The following UBR3 variants were observed in gnomAD, a reference collection of about 807,000 sequenced individuals.
UBR3 encodes E3 ubiquitin-protein ligase UBR3.
A neutral mutation model predicts 243.2 loss-of-function variants in UBR3; 85 were observed. The observed-to-expected ratio is 0.35, with a 90% confidence interval of 0.29 to 0.42. The LOEUF (loss-of-function observed/expected upper bound fraction) is 0.42. UBR3 is among the 10% of genes least tolerant of loss of function. The pLI is 1.00. For missense variants in UBR3, 1,686 were observed against 2,300.8 expected (o/e 0.73, Z 5.47); for synonymous variants, 748 against 799.8 (o/e 0.94, Z 1.09).
intron 23 of UBR3, 66 bp from the exon 24 acceptor site, chr2:169,958,372 C>T: frequency 1.4e-6 from 2 of 1,418,938 alleles, no homozygotes; most frequent in East Asian, 2.3e-5. Flanking sequence ...ATTATATACT[C>T]CTGAAATATA....
At chr2:169,942,203 T>A (rs930542418) in intron 19 of UBR3, among the ~76,000 whole-genome samples, 1 of 152,224 alleles carries the variant, frequency 6.6e-6, no homozygotes, top group Admixed American at 6.5e-5. Flanking sequence ...ATTTCCTTGC[T>A]GAGTACTTCA....
At chr2:170,017,592 A>T (rs1391225694) in intron 30 of UBR3, among the ~76,000 whole-genome samples, 1 of 150,556 alleles carries the variant, frequency 6.6e-6, no homozygotes, top group Non-Finnish European at 1.5e-5. Flanking sequence ...CAGGGGGAGA[A>T]GGGAAGATTG....
rs578054467 is a variant in UBR3, at chr2:169,866,150, C to CAAAAAAAAAAAAAAAA, written c.546-6071_546-6056dup. Among the ~76,000 whole-genome samples the CAAAAAAAAAAAAAAAA allele has an allele frequency of 5.6e-5, 3 of 53,380 alleles. 1 individual carries two copies. Among genetic ancestry groups the CAAAAAAAAAAAAAAAA allele is most frequent in the African/African-American group, 2.1e-4 (2 of 9,458 alleles). The allele number at this position is 53,380 out of a possible 152,430, so 35.0% of individuals were successfully genotyped here. ...TGGGCAACAGAGCGAGACTGTGTCT[C>CAAAAAAAAAAAAAAAA]AAAAAAAAAAAAAAAAAAAAAAAAA... On this transcript the variant is annotated intron_variant, in intron 1 of 38. Coordinates refer to ENST00000272793, the MANE Select transcript of UBR3 (RefSeq NM_172070.4).
rs561884725 is a variant in UBR3 at position 169,933,083 on chromosome 2, T to C, written c.2663+75T>C. On this transcript the variant is annotated intron_variant, in intron 19 of 38. Coordinates refer to ENST00000272793, the MANE Select transcript of UBR3 (RefSeq NM_172070.4). ...GGAAAAATTTCAGTGATAACACAGA[T>C]ATGATATGCTCTCATTAAAGTATAC... is the stretch of plus-strand genomic sequence containing the variant. 1.4e-3 allele frequency: 1,303 copies of C among 960,086 alleles called. 21 individuals carry two copies. In the South Asian group the frequency reaches 0.021, roughly 15 times the overall value. 59.5% of individuals were successfully genotyped at this position (960,086 alleles called of 1,614,324 possible). A position where few individuals can be genotyped will look rare whatever the true frequency, so the allele number is the denominator to read the frequency against.
chr2:170,007,974 C>T (rs2089974013), intron 28 of UBR3, among the ~76,000 whole-genome samples: 1 of 151,990 alleles, frequency 6.6e-6, no homozygotes, highest in Non-Finnish European at 1.5e-5. Context: ...TAAAAATATG[C>T]CCATTAGGTA....
intron 23 of UBR3, among the ~76,000 whole-genome samples, chr2:169,953,667 A>G (rs1439113945): frequency 6.6e-6 from 1 of 152,230 alleles, no homozygotes; most frequent in Non-Finnish European, 1.5e-5. Context: ...GAAACCTGCT[A>G]TAGAAATGCA....
chr2:169,843,481 C>T (rs774792149), intron 1 of UBR3, among the ~76,000 whole-genome samples: 50 of 152,200 alleles, frequency 3.3e-4, no homozygotes, highest in Non-Finnish European at 5.7e-4. Flanking sequence ...GATGTAATCA[C>T]TTCCCCAAAG....
chr2:170,034,331 C>A (rs769852332), intron 31 of UBR3, among the ~76,000 whole-genome samples: 19 of 151,916 alleles, frequency 1.3e-4, no homozygotes, highest in Non-Finnish European at 2.4e-4. Flanking sequence ...TGTGCTCTAC[C>A]TATTCATCCC....
At chr2:169,857,661 AG>A (rs1336089602) in intron 1 of UBR3, among the ~76,000 whole-genome samples, 1 of 151,636 alleles carries the variant, frequency 6.6e-6, no homozygotes, top group Non-Finnish European at 1.5e-5. Context: ...TCCTGACCTC[AG>A]GTGATCCACC....
intron 16 of UBR3, 150 bp downstream of exon 16, chr2:169,927,121 A>G (rs775155327): frequency 1.6e-5 from 18 of 1,121,910 alleles, no homozygotes; most frequent in Admixed American, 5.3e-5. Flanking sequence ...TACTGTAGGT[A>G]TACCTTTTAG....
intron 24 of UBR3, among the ~76,000 whole-genome samples, chr2:169,968,764 A>G (rs1378370840): frequency 1.3e-5 from 2 of 152,194 alleles, no homozygotes; most frequent in East Asian, 1.9e-4. Flanking sequence ...AGGAACCTCC[A>G]TACTGTTTTT....
chr2:170,002,986 A>G (rs1189287724), intron 27 of UBR3, among the ~76,000 whole-genome samples: 1 of 152,134 alleles, frequency 6.6e-6, no homozygotes, highest in Non-Finnish European at 1.5e-5. Context: ...AACTTCTTAA[A>G]TACAGGTCTA....
intron 1 of UBR3, among the ~76,000 whole-genome samples, chr2:169,836,043 CTATATATA>C (rs1236888848): frequency 1.2e-4 from 1 of 8,052 alleles, no homozygotes; most frequent in African/African-American, 4.3e-4. Context: ...CTCTCTCTCT[CTATATATA>C]TATATATATA....
At chr2:170,081,354 G>T (rs1330640158) in intron 38 of UBR3, among the ~76,000 whole-genome samples, 1 of 152,016 alleles carries the variant, frequency 6.6e-6, no homozygotes, top group Non-Finnish European at 1.5e-5. Flanking sequence ...CAAAAAATTA[G>T]CCGGGTGTGG....
chr2:169,898,405 T>G (rs1253584510), intron 8 of UBR3, among the ~76,000 whole-genome samples: 1 of 152,204 alleles, frequency 6.6e-6, no homozygotes, highest in Non-Finnish European at 1.5e-5. Context: ...TGCTAGACTC[T>G]TTTCTCAGTA....
At chr2:169,836,260 T>A (rs546449180) in intron 1 of UBR3, among the ~76,000 whole-genome samples, 1 of 150,658 alleles carries the variant, frequency 6.6e-6, no homozygotes, top group East Asian at 1.9e-4. Flanking sequence ...ATTTTCATAT[T>A]TTTAGTAGAG....
chr2:169,875,983 C>T, intron 3 of UBR3, 34 bp downstream of exon 3: 1 of 1,414,952 alleles, frequency 7.1e-7, no homozygotes, highest in South Asian at 1.6e-5. Context: ...TTATAGTTTT[C>T]ATATCTTACT....
chr2:170,075,442 A>G (rs193262994), intron 36 of UBR3, among the ~76,000 whole-genome samples: 19 of 152,320 alleles, frequency 1.2e-4, no homozygotes, highest in Admixed American at 1.2e-3. Context: ...GTTAAAATCA[A>G]GCCTACATTT....
At chr2:169,887,311 G>C (rs572856089) in intron 5 of UBR3, among the ~76,000 whole-genome samples, 4 of 152,212 alleles carry the variant, frequency 2.6e-5, no homozygotes, top group Non-Finnish European at 5.9e-5. Flanking sequence ...TCTGGGTTGA[G>C]ATTGTATTTG....
Sources: gnomAD v4.1 joint callset for allele counts (sites outside exome capture counted in the v4.1 genomes callset) on GRCh38, gnomAD v4.1.1 for gene constraint, MANE v1.5 for transcripts, NCBI Gene and HGNC (gene_info 2026-07-23, HGNC 2026-07-21) for gene names.